RIN3: variants seen among roughly 807,000 people sequenced by gnomAD.
The protein encoded by RIN3 is Ras and Rab interactor 3, also known as RAB5 interacting protein 3.
RIN3 carries 54 observed loss-of-function variants against 76.3 expected under a neutral mutation model. The ratio of observed to expected loss-of-function variants is 0.71; its 90% confidence interval spans 0.57 to 0.89. The LOEUF (loss-of-function observed/expected upper bound fraction) is 0.89, where lower values mean the gene tolerates loss of function less well. Ranked by LOEUF, RIN3 falls within the 40% of genes least tolerant of loss-of-function variation. The probability of loss-of-function intolerance (pLI) is 0.00; values close to 1 mark genes in which losing one functional copy is unlikely to be tolerated. For missense variants in RIN3, 1,256 were observed against 1,322.1 expected (o/e 0.95, Z 0.78); for synonymous variants, 576 against 564.0 (o/e 1.02, Z -0.30).
intron 1 of RIN3, among the ~76,000 whole-genome samples, chr14:92,548,266 T>A (rs912194598): frequency 1.3e-5 from 2 of 151,292 alleles, no homozygotes; most frequent in African/African-American, 2.4e-5. Flanking sequence ...AAGAGTAGAG[T>A]GGTTAGAAGC....
intron 4 of RIN3, among the ~76,000 whole-genome samples, chr14:92,636,852 C>T (rs1886795092): frequency 6.6e-6 from 1 of 152,128 alleles, no homozygotes; most frequent in African/African-American, 2.4e-5. Flanking sequence ...GAGTTCAAGA[C>T]AGGCCTGGAC....
At chr14:92,525,780 C>T (rs1324109218) in intron 1 of RIN3, among the ~76,000 whole-genome samples, 2 of 152,180 alleles carry the variant, frequency 1.3e-5, no homozygotes, top group Non-Finnish European at 2.9e-5. Flanking sequence ...TGGCACTGCA[C>T]CAGCCAGAAT....
intron 2 of RIN3, among the ~76,000 whole-genome samples, chr14:92,576,871 G>A (rs1164476983): frequency 6.6e-6 from 1 of 152,128 alleles, no homozygotes; most frequent in African/African-American, 2.4e-5. Context: ...GGTGTGAATT[G>A]ACTAATATCT....
At chr14:92,563,862 G>C (rs1313341733) in intron 2 of RIN3, among the ~76,000 whole-genome samples, 5 of 152,138 alleles carry the variant, frequency 3.3e-5, no homozygotes, top group African/African-American at 4.8e-5. Context: ...GTCCTCAGTG[G>C]TTCTGAGGAT....
intron 2 of RIN3, among the ~76,000 whole-genome samples, chr14:92,572,287 C>G (rs1166785120): frequency 1.3e-5 from 2 of 152,250 alleles, no homozygotes; most frequent in East Asian, 3.8e-4. Context: ...TGTGCGCATA[C>G]TCATTTGAGG....
At chr14:92,650,303 A>G (rs1021259413) in intron 5 of RIN3, among the ~76,000 whole-genome samples, 2 of 152,240 alleles carry the variant, frequency 1.3e-5, no homozygotes, top group Non-Finnish European at 2.9e-5. Flanking sequence ...CAATCCGGTG[A>G]CACAGGGCGA....
At chr14:92,663,747 A>T (rs1191908129) in intron 7 of RIN3, among the ~76,000 whole-genome samples, 8 of 152,150 alleles carry the variant, frequency 5.3e-5, no homozygotes, top group Non-Finnish European at 1.2e-4. Flanking sequence ...AGAGCAGAGG[A>T]TTTGGGGTTC....
chr14:92,523,595 G>T (rs200418025), intron 1 of RIN3, among the ~76,000 whole-genome samples: 1 of 152,364 alleles, frequency 6.6e-6, no homozygotes, highest in East Asian at 1.9e-4. Flanking sequence ...GAGGAAGAGA[G>T]GGGAGAGAGA....
rs1888933272 is a variant in RIN3 at position 92,688,019 on chromosome 14, T to C, written c.2725T>C (p.Cys909Arg). The C allele has an allele frequency of 1.1e-5, 18 of 1,585,132 alleles. No individual in the cohort carries two copies. The highest frequency in any genetic ancestry group is 1.5e-5 in the Non-Finnish European group (17 of 1,167,284). ...CCAGGCCCAGGCGCTGTGCGCGCAGTGCGCGGAGAAGTTCGCGGTGGAGCG... is the reference window on the plus strand; with the variant it reads ...CCAGGCCCAGGCGCTGTGCGCGCAGCGCGCGGAGAAGTTCGCGGTGGAGCG... ...DTQAQALCAQ[C>R]AEKFAVERPQ... Residue 909 changes from cysteine to arginine, a missense_variant, in exon 10 of 10, where the codon TGC (cysteine) becomes CGC (arginine). By Grantham distance (180) the Cys-to-Arg change is radical. Transcript: ENST00000216487.
At chr14:92,664,979 TA>T (rs1410459398) in intron 7 of RIN3, among the ~76,000 whole-genome samples, 2 of 152,254 alleles carry the variant, frequency 1.3e-5, no homozygotes, top group East Asian at 3.8e-4. Context: ...CATATGTTTT[TA>T]ACCTCCTTTA....
chr14:92,670,356 T>C (rs567690023), intron 7 of RIN3, among the ~76,000 whole-genome samples: 14 of 152,318 alleles, frequency 9.2e-5, no homozygotes, highest in African/African-American at 3.4e-4. Flanking sequence ...GGCATTTGAA[T>C]GCACAGCCAA....
rs184327910 is a variant in RIN3, at chr14:92,553,833, G to T, written c.45-1918G>T. Among the ~76,000 whole-genome samples, 525 of 152,200 alleles carry T rather than the reference G, an allele frequency of 3.4e-3. 2 individuals carry two copies. Among genetic ancestry groups the T allele is most frequent in the Middle Eastern group, 0.024 (7 of 294 alleles). Reference sequence around the variant, plus strand: ...ACTGCTCAAAATTCACAACACTGCTGCCCCTGTTTAATACAGCGCTGCCTG... The same window carrying T: ...ACTGCTCAAAATTCACAACACTGCTTCCCCTGTTTAATACAGCGCTGCCTG... On this transcript the variant is annotated intron_variant, in intron 1 of 9. Coordinates refer to ENST00000216487, the MANE Select transcript of RIN3 (RefSeq NM_024832.5).
intron 1 of RIN3, among the ~76,000 whole-genome samples, chr14:92,538,855 G>A (rs1440541028): frequency 2.0e-5 from 3 of 152,068 alleles, no homozygotes; most frequent in Admixed American, 2.0e-4. Flanking sequence ...TCCCAGCTCT[G>A]CCACTTGCTA....
intron 3 of RIN3, among the ~76,000 whole-genome samples, chr14:92,598,354 C>T (rs1429520678): frequency 1.3e-5 from 2 of 152,206 alleles, no homozygotes; most frequent in Non-Finnish European, 2.9e-5. Flanking sequence ...GACCAGCCTG[C>T]AGCTGAATAC....
intron 3 of RIN3, among the ~76,000 whole-genome samples, chr14:92,601,638 G>A (rs955597606): frequency 6.6e-6 from 1 of 152,090 alleles, no homozygotes; most frequent in Non-Finnish European, 1.5e-5. Flanking sequence ...TTCTCAATGG[G>A]TCCAGTCAAA....
chr14:92,551,214 C>A (rs1198361898), intron 1 of RIN3, among the ~76,000 whole-genome samples: 1 of 152,142 alleles, frequency 6.6e-6, no homozygotes, highest in Non-Finnish European at 1.5e-5. Context: ...GCCATATGTA[C>A]TTTTTTGCAT....
At chr14:92,614,937 G>A (rs1256624273) in intron 3 of RIN3, among the ~76,000 whole-genome samples, 11 of 146,662 alleles carry the variant, frequency 7.5e-5, no homozygotes, top group African/African-American at 1.3e-4. Flanking sequence ...TCCGCCTCCC[G>A]GGTTCAAGTG....
Position 92,652,072 on chromosome 14 carries a change from C to T in RIN3, c.1023C>T (p.Cys341=), listed in dbSNP as rs1368935638. The change falls in exon 6 of 10, where the codon TGC becomes TGT. Residue 341 remains cysteine (C), a synonymous_variant. Coordinates refer to ENST00000216487, the MANE Select transcript of RIN3 (RefSeq NM_024832.5). This position sits in a 1 kb window ranked among gnomAD's most constrained non-coding sequence, Gnocchi z 6.4. ...CGAACCAGCCGCCCATGATGACCTGCGAGAGACTCCCATGCCCCACTGCAG... is the reference window on the plus strand; with the variant it reads ...CGAACCAGCCGCCCATGATGACCTGTGAGAGACTCCCATGCCCCACTGCAG... ...DHPNQPPMMT[C]ERLPCPTAGL... is the part of the protein sequence containing the mutation. 9.4e-6 allele frequency: 15 copies of T among 1,603,344 alleles called. No homozygotes were observed. Among genetic ancestry groups the T allele is most frequent in the Admixed American group, 1.7e-5 (1 of 59,864 alleles).
At chr14:92,642,891 A>G (rs1336855935) in intron 5 of RIN3, among the ~76,000 whole-genome samples, 2 of 152,302 alleles carry the variant, frequency 1.3e-5, no homozygotes, top group African/African-American at 4.8e-5. Context: ...CGCAGCTTCA[A>G]ACAATCCTAT....
Sources: gnomAD v4.1 joint callset for allele counts (sites outside exome capture counted in the v4.1 genomes callset) on GRCh38, gnomAD v4.1.1 for gene constraint, Gnocchi (gnomAD v3.1) non-coding constraint, MANE v1.5 for transcripts, NCBI Gene and HGNC (gene_info 2026-07-23, HGNC 2026-07-21) for gene names.